SPATA31E1: variants seen among roughly 807,000 people sequenced by gnomAD.
SPATA31E1 encodes SPATA31 subfamily E member 1, also known as spermatogenesis-associated protein 31E1.
SPATA31E1 carries 7 observed loss-of-function variants against 12.9 expected under a neutral mutation model. That is an observed-to-expected ratio of 0.54 (90% CI 0.31 to 1.02). The LOEUF (loss-of-function observed/expected upper bound fraction) is 1.02, where lower values mean the gene tolerates loss of function less well. Among genes scored for constraint, SPATA31E1 ranks in the 50% least tolerant of loss-of-function variants. SPATA31E1 has a pLI of 0.05. For synonymous variants in SPATA31E1, 771 were observed against 719.0 expected (o/e 1.07, Z -1.16); for missense variants, 1,961 against 1,799.8 (o/e 1.09, Z -1.62).
At position 87,882,974 on chromosome 9, in the gene SPATA31E1, G is replaced by C. The variant is rs1488954781; in HGVS notation, c.83G>C (p.Arg28Thr). The change falls in exon 1 of 4, where the codon AGA becomes ACA. Residue 28 changes from arginine (R) to threonine (T), a missense_variant. Coordinates refer to ENST00000325643, the MANE Select transcript of SPATA31E1 (RefSeq NM_178828.5). ...CAGAGGATTCCACCCCCAGCTCCCA[G>C]ACCATCTGTGGAGTGCACAGGAGAC... Reference protein sequence around the residue: ...SGQRIPPPAPRPSVECTGDDI... With the variant: ...SGQRIPPPAPTPSVECTGDDI... 1 of 1,602,156 alleles carries C rather than the reference G, an allele frequency of 6.2e-7. No individual in the cohort carries two copies. Among genetic ancestry groups the C allele is most frequent in the East Asian group, 2.3e-5 (1 of 43,974 alleles).
At position 87,885,606 on chromosome 9, in the gene SPATA31E1, A is replaced by C; in HGVS notation, c.1119A>C (p.Ala373=). The change falls in exon 4 of 4, where the codon GCA becomes GCC. Residue 373 remains alanine (A), a synonymous_variant. Coordinates refer to ENST00000325643, the MANE Select transcript of SPATA31E1 (RefSeq NM_178828.5). ...KLLETLIAKR[A]LMKMWQEKER... is the part of the protein sequence containing the mutation. ...TGGAGACCCTCATCGCCAAGAGAGC[A>C]CTGATGAAGATGTGGCAGGAGAAAG... 1 of 1,614,098 alleles carries C rather than the reference A, an allele frequency of 6.2e-7. No homozygotes were observed. Among genetic ancestry groups the C allele is most frequent in the South Asian group, 1.1e-5 (1 of 91,074 alleles).
Position 87,884,125 on chromosome 9 carries a change from C to T in SPATA31E1, c.364+79C>T, listed in dbSNP as rs946779983. 2.1e-4 allele frequency: 314 copies of T among 1,508,426 alleles called. 1 individual carries two copies. In the Admixed American group the frequency reaches 5.9e-3, roughly 28 times the overall value. The allele number at this position is 1,508,426 out of a possible 1,614,324, so 93.4% of individuals were successfully genotyped here. A position where few individuals can be genotyped will look rare whatever the true frequency, so the allele number is the denominator to read the frequency against. ...CCCTGAGGAAGTCATTTGCAGAGGC[C>T]TGAGAGGGAAGCTCCTGGGAGAGAA... On this transcript the variant is annotated intron_variant, in intron 2 of 3. Coordinates refer to ENST00000325643, the MANE Select transcript of SPATA31E1 (RefSeq NM_178828.5).
In SPATA31E1 at chr9:87,885,608, T is replaced by A; in HGVS notation, c.1121T>A (p.Leu374Gln). ...LLETLIAKRA[L>Q]MKMWQEKERK... ...GAGACCCTCATCGCCAAGAGAGCAC[T>A]GATGAAGATGTGGCAGGAGAAAGAA... is the stretch of plus-strand genomic sequence containing the variant. The change falls in exon 4 of 4, where the codon CTG (leucine) becomes CAG (glutamine). Residue 374 changes from leucine (L) to glutamine (Q), a missense_variant. By Grantham distance (113) the Leu-to-Gln change is moderately radical. Coordinates refer to ENST00000325643, the MANE Select transcript of SPATA31E1 (RefSeq NM_178828.5). The A allele has an allele frequency of 6.2e-7, 1 of 1,614,028 alleles. No individual in the cohort carries two copies. Among genetic ancestry groups the A allele is most frequent in the Non-Finnish European group, 8.5e-7 (1 of 1,180,026 alleles).
intron 2 of SPATA31E1, 29 bp from the exon 3 acceptor site, chr9:87,884,562 C>G (rs1333454299): frequency 1.2e-6 from 2 of 1,613,806 alleles, no homozygotes; most frequent in Non-Finnish European, 1.7e-6. Context: ...ACCGCCCTCT[C>G]CACCATAACC....
rs748000015 is a variant in SPATA31E1, at chr9:87,885,320, G to C, written c.833G>C (p.Ser278Thr). ...TCCACAACATGCCCCGTCCCCCAGA[G>C]CTCCCCTCTACACAACCAGGTGCTG... ...CGSTTCPVPQ[S>T]SPLHNQVLPP... Residue 278 changes from serine (S) to threonine (T), a missense_variant, in exon 4 of 4, where the codon AGC (serine) becomes ACC (threonine). Ser to Thr is a moderately conservative substitution (Grantham distance 58). Transcript: ENST00000325643. 3 of 1,613,864 alleles carry C rather than the reference G, an allele frequency of 1.9e-6. No individual in the cohort carries two copies. Among genetic ancestry groups the C allele is most frequent in the African/African-American group, 2.7e-5 (2 of 75,008 alleles).
In SPATA31E1 at chr9:87,888,317, G is replaced by A. The variant is rs367550562; in HGVS notation, c.3830G>A (p.Arg1277Lys). Residue 1277 changes from arginine (R) to lysine (K), a missense_variant, in exon 4 of 4, where the codon AGG (arginine) becomes AAG (lysine). Physicochemically the swap from Arg to Lys is conservative, Grantham distance 26. Transcript: ENST00000325643. Reference sequence around the variant, plus strand: ...CACCATCCACAGGGTCTACACCCCAGGAAAGGAGGCACACGGTGGGAAGAT... The same window carrying A: ...CACCATCCACAGGGTCTACACCCCAAGAAAGGAGGCACACGGTGGGAAGAT... ...ISHHPQGLHP[R>K]KGGTRWEDVL... 6.8e-6 allele frequency: 11 copies of A among 1,614,068 alleles called. No individual in the cohort carries two copies. In the Admixed American group the frequency reaches 8.3e-5, roughly 12 times the overall value.
rs755604290 is a variant in SPATA31E1, at chr9:87,888,581, A to AC, written c.4096dup (p.Gln1366ProfsTer4). On this transcript the variant is annotated frameshift_variant, in exon 4 of 4. Transcript: ENST00000325643. LOFTEE classifies it low-confidence loss of function (END_TRUNC). ...TCCTGCTGCCACAGGGGTCACTGCC[A>AC]CCAAGAACGTAGCAGAGAGATGAGA... 1 of 1,614,138 alleles carries AC rather than the reference A, an allele frequency of 6.2e-7. No individual in the cohort carries two copies. The highest frequency in any genetic ancestry group is 1.1e-5 in the South Asian group (1 of 91,090).
Position 87,884,572 on chromosome 9 carries a change from C to T in SPATA31E1, c.365-19C>T, listed in dbSNP as rs761468855. ...CAGGCACCGCCCTCTCCACCATAAC[C>T]CTGTCTCCTGATTTCCAGCTTGCAG... On this transcript the variant is annotated intron_variant, in intron 2 of 3. Transcript: ENST00000325643. The T allele has an allele frequency of 2.5e-6, 4 of 1,614,130 alleles. No homozygotes were observed. In the African/African-American group the frequency reaches 5.3e-5, roughly 22 times the overall value.
In SPATA31E1 at chr9:87,885,905, A is replaced by G; in HGVS notation, c.1418A>G (p.Lys473Arg). The G allele has an allele frequency of 5.6e-6, 9 of 1,614,002 alleles. No individual in the cohort carries two copies. The highest frequency in any genetic ancestry group is 1.7e-5 in the Admixed American group (1 of 60,020). ...SQNAHSVPLD[K>R]ASTSLPGEPE... The stretch of plus-strand genomic sequence containing the variant: ...AATGCACACTCTGTACCACTGGATA[A>G]AGCCTCCACTTCTCTTCCAGGTGAA... The change falls in exon 4 of 4, where the codon AAA (lysine) becomes AGA (arginine). Residue 473 changes from lysine to arginine, a missense_variant. By Grantham distance (26) the Lys-to-Arg change is conservative (BLOSUM62 2). Transcript: ENST00000325643.
chr9:87,885,771 G>T lies in SPATA31E1; in HGVS notation c.1284G>T (p.Val428=). 6.2e-7 allele frequency: 1 copy of T among 1,613,978 alleles called. No individual in the cohort carries two copies. The highest frequency in any genetic ancestry group is 8.5e-7 in the Non-Finnish European group (1 of 1,180,028). ...AGCAAGTCTCTGATGCCACAACCGTGGGGAACCACTTACAGCAGAAACGCA... is the reference window on the plus strand; with the variant it reads ...AGCAAGTCTCTGATGCCACAACCGTTGGGAACCACTTACAGCAGAAACGCA... The part of the protein sequence containing the change: ...RPQQVSDATT[V]GNHLQQKRSQ... The change falls in exon 4 of 4, where the codon GTG becomes GTT. Residue 428 remains valine, a synonymous_variant. Transcript: ENST00000325643.
In SPATA31E1 at chr9:87,886,648, G is replaced by A. The variant is rs1335544729; in HGVS notation, c.2161G>A (p.Gly721Ser). Residue 721 changes from glycine (G) to serine (S), a missense_variant, in exon 4 of 4, where the codon GGC (glycine) becomes AGC (serine). By Grantham distance (56) the Gly-to-Ser change is moderately conservative. Coordinates refer to ENST00000325643, the MANE Select transcript of SPATA31E1 (RefSeq NM_178828.5). The part of the protein sequence containing the change: ...KLGPDPSRDQ[G>S]SGRTSVKALD... ...AGGGCCGGACCCAAGCCGGGATCAAGGCTCAGGAAGGACCTCAGTGAAGGC... is the reference window on the plus strand; with the variant it reads ...AGGGCCGGACCCAAGCCGGGATCAAAGCTCAGGAAGGACCTCAGTGAAGGC... The A allele has an allele frequency of 5.0e-6, 8 of 1,613,884 alleles. No individual in the cohort carries two copies. The highest frequency in any genetic ancestry group is 6.8e-6 in the Non-Finnish European group (8 of 1,180,034).
Position 87,885,813 on chromosome 9 carries a change from C to T in SPATA31E1, c.1326C>T (p.Asp442=). The T allele has an allele frequency of 6.2e-7, 1 of 1,613,878 alleles. No individual in the cohort carries two copies. The highest frequency in any genetic ancestry group is 8.5e-7 in the Non-Finnish European group (1 of 1,180,026). ...LQQKRSQLFW[D]LPSLNSESLA... ...AGAAACGCAGCCAGCTTTTCTGGGA[C>T]CTCCCCTCTCTCAATAGCGAGTCCC... The change falls in exon 4 of 4, where the codon GAC becomes GAT. Residue 442 remains aspartate (D), a synonymous_variant. Coordinates refer to ENST00000325643, the MANE Select transcript of SPATA31E1 (RefSeq NM_178828.5).
rs757150186 is a variant in SPATA31E1 at position 87,882,967 on chromosome 9, G to T, written c.76G>T (p.Ala26Ser). The T allele has an allele frequency of 1.2e-6, 2 of 1,613,084 alleles. No homozygotes were observed. Among genetic ancestry groups the T allele is most frequent in the Non-Finnish European group, 1.7e-6 (2 of 1,179,900 alleles). ...GAGTGGGCAGAGGATTCCACCCCCA[G>T]CTCCCAGACCATCTGTGGAGTGCAC... Reference protein sequence around the residue: ...VESGQRIPPPAPRPSVECTGD... With the variant: ...VESGQRIPPPSPRPSVECTGD... Residue 26 changes from alanine (A) to serine (S), a missense_variant, in exon 1 of 4, where the codon GCT becomes TCT. Transcript: ENST00000325643.
At position 87,888,342 on chromosome 9, in the gene SPATA31E1, T is replaced by C. The variant is rs960549330; in HGVS notation, c.3855T>C (p.Asp1285=). 4 of 1,613,998 alleles carry C rather than the reference T, an allele frequency of 2.5e-6. No homozygotes were observed. In the African/African-American group the frequency reaches 4.0e-5, roughly 16 times the overall value. ...GGAAAGGAGGCACACGGTGGGAAGA[T>C]GTCCTGCAGAAAGGCAAGCCTGGGG... ...HPRKGGTRWE[D]VLQKGKPGAD... Residue 1285 remains aspartate, a synonymous_variant, in exon 4 of 4, where the codon GAT becomes GAC. Coordinates refer to ENST00000325643, the MANE Select transcript of SPATA31E1 (RefSeq NM_178828.5).
At position 87,886,031 on chromosome 9, in the gene SPATA31E1, C is replaced by T. The variant is rs1264950443; in HGVS notation, c.1544C>T (p.Pro515Leu). 2 of 1,613,170 alleles carry T rather than the reference C, an allele frequency of 1.2e-6. No individual in the cohort carries two copies. The highest frequency in any genetic ancestry group is 3.3e-5 in the Admixed American group (2 of 60,022). Residue 515 changes from proline to leucine, a missense_variant, in exon 4 of 4, where the codon CCC becomes CTC. Transcript: ENST00000325643. ...ACTCCAGCCTGGCCCCAGTCCCAGC[C>T]CCCACCTTTGGCTGAGATCCAGACC... ...HFTPAWPQSQ[P>L]PPLAEIQTQA...
At chr9:87,884,566 C>T in intron 2 of SPATA31E1, 25 bp from the exon 3 acceptor site, 1 of 1,614,074 alleles carries the variant, frequency 6.2e-7, no homozygotes, top group Middle Eastern at 1.7e-4. Flanking sequence ...CCCTCTCCAC[C>T]ATAACCCTGT....
At chr9:87,883,726 G>C (rs905378384) in intron 1 of SPATA31E1, among the ~76,000 whole-genome samples, 5 of 152,250 alleles carry the variant, frequency 3.3e-5, no homozygotes. Context: ...GCGCCTGTGG[G>C]CCTGAGCCTA....
intron 1 of SPATA31E1, among the ~76,000 whole-genome samples, 192 bp downstream of exon 1, chr9:87,883,392 G>A (rs911902981): frequency 5.3e-5 from 8 of 152,214 alleles, no homozygotes; most frequent in Non-Finnish European, 8.8e-5. Flanking sequence ...GGGGTGCACA[G>A]GAGGCGTCAG....
chr9:87,887,831 G>A lies in SPATA31E1; in HGVS notation c.3344G>A (p.Arg1115His), dbSNP rs763024052. 1.1e-5 allele frequency: 17 copies of A among 1,613,758 alleles called. No individual in the cohort carries two copies. The highest frequency in any genetic ancestry group is 4.0e-5 in the African/African-American group (3 of 74,936). ...QVDSEEQLPG[R>H]APGILLQDGA... ...GACTCAGAGGAGCAGCTGCCAGGCC[G>A]TGCCCCGGGCATCCTCCTCCAGGAC... Residue 1115 changes from arginine to histidine, a missense_variant, in exon 4 of 4, where the codon CGT becomes CAT. Transcript: ENST00000325643.
Sources: gnomAD v4.1 joint callset for allele counts (sites outside exome capture counted in the v4.1 genomes callset) on GRCh38, gnomAD v4.1.1 for gene constraint, MANE v1.5 for transcripts, NCBI Gene and HGNC (gene_info 2026-07-23, HGNC 2026-07-21) for gene names.